The following RHPN2 variants were observed in gnomAD, a reference collection of about 807,000 sequenced individuals.
RHPN2 encodes rhophilin-2.
In RHPN2, 40 loss-of-function variants were observed where a neutral mutation model predicts 79.0. The observed-to-expected ratio is 0.51, with a 90% confidence interval of 0.39 to 0.66. RHPN2 has a LOEUF of 0.66. Among genes scored for constraint, RHPN2 ranks in the 30% least tolerant of loss-of-function variants. The pLI is 0.00. For missense variants in RHPN2, 686 were observed against 883.5 expected (o/e 0.78, Z 2.83); for synonymous variants, 285 against 363.5 (o/e 0.78, Z 2.46).
chr19:32,979,786 G>A lies in RHPN2; in HGVS notation c.*210C>T, dbSNP rs1428731281. The A allele has an allele frequency of 8.3e-6, 5 of 599,910 alleles. No homozygotes were observed. The East Asian group carries it at 1.4e-4, about 17-fold the overall frequency. 37.2% of individuals were successfully genotyped at this position (599,910 alleles called of 1,614,324 possible). On this transcript the variant is annotated 3_prime_UTR_variant, in exon 15 of 15. Transcript: ENST00000254260. ...ATAATAAATAACTTACAGCAGTATA[G>A]TAACACACCTCAAAAAAGTTCTTTT...
At chr19:33,034,210 C>T (rs535293560) in intron 2 of RHPN2, among the ~76,000 whole-genome samples, 3 of 151,062 alleles carry the variant, frequency 2.0e-5, no homozygotes, top group South Asian at 2.1e-4. Context: ...CGGTGGCTCA[C>T]GCCTGTAACC....
intron 3 of RHPN2, among the ~76,000 whole-genome samples, chr19:33,023,020 A>C (rs1042650368): frequency 2.0e-5 from 3 of 152,164 alleles, no homozygotes; most frequent in African/African-American, 7.2e-5. Flanking sequence ...AGCGCCCTCT[A>C]GGTGCCTTCT....
chr19:33,027,605 A>T (rs1355950227), intron 2 of RHPN2, among the ~76,000 whole-genome samples: 1 of 152,138 alleles, frequency 6.6e-6, no homozygotes, highest in Non-Finnish European at 1.5e-5. Context: ...TTCCCAATTC[A>T]TTCTGTAAGA....
chr19:33,009,294 TA>T (rs752137358), intron 6 of RHPN2, among the ~76,000 whole-genome samples: 87 of 146,042 alleles, frequency 6.0e-4, no homozygotes, highest in Admixed American at 1.8e-3. Context: ...TCTTCAATTA[TA>T]AAAAAAAAAA....
intron 10 of RHPN2, among the ~76,000 whole-genome samples, chr19:32,997,228 C>T (rs910672767): frequency 6.6e-6 from 1 of 152,204 alleles, no homozygotes; most frequent in African/African-American, 2.4e-5. Flanking sequence ...TATGTAATAA[C>T]CTCACTTGTG....
chr19:33,064,730 G>A (rs1972312739), intron 1 of RHPN2, 54 bp downstream of exon 1: 29 of 1,505,454 alleles, frequency 1.9e-5, no homozygotes, highest in East Asian at 1.0e-4. Context: ...AGGGCCCGGG[G>A]GAAAGGAGGT....
chr19:33,057,930 C>A (rs186239315), intron 1 of RHPN2, among the ~76,000 whole-genome samples: 3 of 152,012 alleles, frequency 2.0e-5, no homozygotes, highest in African/African-American at 7.3e-5. Flanking sequence ...GAGGCCAAGG[C>A]GGGCAAATCA....
chr19:33,000,152 G>T (rs1304133684), intron 9 of RHPN2, among the ~76,000 whole-genome samples: 1 of 151,756 alleles, frequency 6.6e-6, no homozygotes, highest in African/African-American at 2.4e-5. Context: ...GATCAAATGT[G>T]TGAGCCACTA....
chr19:32,986,421 T>G (rs1397201324), intron 14 of RHPN2, among the ~76,000 whole-genome samples: 1 of 152,210 alleles, frequency 6.6e-6, no homozygotes, highest in Non-Finnish European at 1.5e-5. Flanking sequence ...AGAAACTCCA[T>G]GGATTTTGTC....
intron 1 of RHPN2, 67 bp from the exon 2 acceptor site, chr19:33,044,431 T>C: frequency 2.1e-6 from 2 of 973,192 alleles, no homozygotes; most frequent in Non-Finnish European, 3.3e-6. Context: ...GGGTTTAATA[T>C]AATGGAAAAT....
At chr19:33,031,894 G>T (rs770110765) in intron 2 of RHPN2, among the ~76,000 whole-genome samples, 10 of 151,490 alleles carry the variant, frequency 6.6e-5, no homozygotes, top group Non-Finnish European at 1.0e-4. Context: ...TAATTTATTG[G>T]ATTTTTAGTA....
chr19:32,999,331 G>A (rs1360026770), intron 10 of RHPN2, among the ~76,000 whole-genome samples: 4 of 152,108 alleles, frequency 2.6e-5, no homozygotes. Flanking sequence ...CCACCCTGTG[G>A]ACCCCAAGGG....
At chr19:33,018,810 C>A (rs914389494) in intron 4 of RHPN2, among the ~76,000 whole-genome samples, 1 of 151,848 alleles carries the variant, frequency 6.6e-6, no homozygotes, top group Non-Finnish European at 1.5e-5. Flanking sequence ...TTTGGGAGGC[C>A]GAGGCGGGTG....
chr19:33,054,848 C>A (rs1368583587), intron 1 of RHPN2, among the ~76,000 whole-genome samples: 1 of 152,230 alleles, frequency 6.6e-6, no homozygotes, highest in Non-Finnish European at 1.5e-5. Flanking sequence ...CCCCAGGAAA[C>A]AAGGGACATT....
rs137985165 is a variant in RHPN2 at position 32,988,553 on chromosome 19, G to A, written c.1800+1961C>T. Reference sequence around the variant, plus strand: ...CCCCTTCTGAAAGGGGCTTCCAAGTGGCTTCCAAGCTCCCACCATTGCCGC... The same window carrying A: ...CCCCTTCTGAAAGGGGCTTCCAAGTAGCTTCCAAGCTCCCACCATTGCCGC... On this transcript the variant is annotated intron_variant, in intron 14 of 14. Coordinates refer to ENST00000254260, the MANE Select transcript of RHPN2 (RefSeq NM_033103.5). Among the ~76,000 whole-genome samples the A allele has an allele frequency of 2.2e-3, 339 of 152,278 alleles. 2 individuals carry two copies. Among genetic ancestry groups the A allele is most frequent in the African/African-American group, 8.0e-3 (332 of 41,576 alleles).
intron 3 of RHPN2, among the ~76,000 whole-genome samples, chr19:33,022,071 A>G (rs1338614047): frequency 1.3e-5 from 2 of 151,902 alleles, no homozygotes; most frequent in Non-Finnish European, 2.9e-5. Context: ...CCCCCGAGTA[A>G]CTGGGATTAC....
At chr19:33,014,863 G>A (rs1221935040) in intron 4 of RHPN2, among the ~76,000 whole-genome samples, 1 of 152,114 alleles carries the variant, frequency 6.6e-6, no homozygotes, top group Non-Finnish European at 1.5e-5. Context: ...GGCCAAGGTG[G>A]GAGAATCACT....
intron 7 of RHPN2, among the ~76,000 whole-genome samples, chr19:33,006,025 A>G (rs1343851775): frequency 7.9e-5 from 12 of 151,982 alleles, no homozygotes; most frequent in African/African-American, 2.7e-4. Flanking sequence ...GACTACAGGC[A>G]TGCACCACCA....
intron 2 of RHPN2, among the ~76,000 whole-genome samples, chr19:33,031,774 C>T (rs1030913891): frequency 1.3e-5 from 2 of 151,986 alleles, no homozygotes; most frequent in Non-Finnish European, 2.9e-5. Context: ...CTCTGCCTCA[C>T]GGGTTCCAGT....
Sources: allele counts gnomAD v4.1 joint callset (sites outside exome capture counted in the v4.1 genomes callset), GRCh38; gene constraint gnomAD v4.1.1; transcripts MANE v1.5; gene names NCBI Gene and HGNC (gene_info 2026-07-23, HGNC 2026-07-21).